Variants in PCDH9 observed in about 807,000 individuals in gnomAD.
PCDH9 encodes protocadherin-9.
Under a neutral mutation model 70.6 loss-of-function variants are expected in PCDH9, and 24 were observed. The ratio of observed to expected loss-of-function variants is 0.34; its 90% confidence interval spans 0.25 to 0.48. The LOEUF is 0.48. PCDH9 is among the 20% of genes least tolerant of loss of function. The pLI is 0.99. For missense variants in PCDH9, 1,281 were observed against 1,503.6 expected (o/e 0.85, Z 2.45); for synonymous variants, 562 against 558.5 (o/e 1.01, Z -0.09).
At chr13:66,586,154 A>G (rs542629096) in intron 4 of PCDH9, among the ~76,000 whole-genome samples, 60 of 152,174 alleles carry the variant, frequency 3.9e-4, no homozygotes, top group Non-Finnish European at 5.3e-4. Context: ...TATTCAATAG[A>G]TTCAGGGAGA....
chr13:66,361,099 T>A (rs1956463920), intron 4 of PCDH9, among the ~76,000 whole-genome samples: 1 of 152,114 alleles, frequency 6.6e-6, no homozygotes, highest in Admixed American at 6.6e-5. Context: ...TTCTATTAAG[T>A]CAGTGGGGCA....
chr13:66,634,223 C>T (rs2077608661), intron 3 of PCDH9, among the ~76,000 whole-genome samples: 1 of 152,112 alleles, frequency 6.6e-6, no homozygotes, highest in Non-Finnish European at 1.5e-5. Context: ...GATTTGTGCA[C>T]AATCTATCAG....
At chr13:66,963,995 T>G (rs1389504465) in intron 2 of PCDH9, among the ~76,000 whole-genome samples, 1 of 152,102 alleles carries the variant, frequency 6.6e-6, no homozygotes, top group African/African-American at 2.4e-5. Flanking sequence ...CTAGCAATAC[T>G]ATGAGTAGTT....
chr13:67,156,458 C>T (rs2087815507), intron 2 of PCDH9, among the ~76,000 whole-genome samples: 1 of 151,814 alleles, frequency 6.6e-6, no homozygotes, highest in Non-Finnish European at 1.5e-5. Context: ...GGACACACGC[C>T]GGCACTGTCC....
chr13:66,910,459 C>T (rs532577283), intron 2 of PCDH9, among the ~76,000 whole-genome samples: 4 of 152,058 alleles, frequency 2.6e-5, no homozygotes, highest in Admixed American at 6.6e-5. Flanking sequence ...CAATTCCCTA[C>T]CTTATGGTAC....
intron 3 of PCDH9, among the ~76,000 whole-genome samples, chr13:66,746,923 T>A (rs758696747): frequency 5.3e-5 from 8 of 152,156 alleles, no homozygotes; most frequent in Non-Finnish European, 8.8e-5. Flanking sequence ...AATACCCCTA[T>A]CCCCCAACTT....
intron 3 of PCDH9, among the ~76,000 whole-genome samples, chr13:66,656,970 C>A (rs1266786758): frequency 2.6e-5 from 4 of 152,070 alleles, no homozygotes; most frequent in African/African-American, 9.7e-5. Flanking sequence ...GCTCTTGCAG[C>A]AGAAGAGCAA....
chr13:66,441,393 T>C (rs980224542), intron 4 of PCDH9, among the ~76,000 whole-genome samples: 1 of 152,144 alleles, frequency 6.6e-6, no homozygotes, highest in Non-Finnish European at 1.5e-5. Context: ...TTCTATGTCT[T>C]GAAGGAGGGA....
intron 3 of PCDH9, among the ~76,000 whole-genome samples, chr13:66,746,675 A>T (rs2079369464): frequency 6.6e-6 from 1 of 152,182 alleles, no homozygotes; most frequent in Non-Finnish European, 1.5e-5. Context: ...CCTAAAAGTT[A>T]ACGTGTCATC....
intron 3 of PCDH9, among the ~76,000 whole-genome samples, chr13:66,769,999 G>A (rs1416275689): frequency 6.6e-6 from 1 of 152,040 alleles, no homozygotes; most frequent in Admixed American, 6.6e-5. Flanking sequence ...TTGTGCTTCT[G>A]CAATACTTTA....
chr13:67,152,059 T>C (rs1384485395), intron 2 of PCDH9, among the ~76,000 whole-genome samples: 1 of 152,206 alleles, frequency 6.6e-6, no homozygotes, highest in East Asian at 1.9e-4. Flanking sequence ...TTCCTCCAAA[T>C]TGTATCTTCT....
chr13:67,035,745 A>G (rs2084996642), intron 2 of PCDH9, among the ~76,000 whole-genome samples: 1 of 152,036 alleles, frequency 6.6e-6, no homozygotes, highest in African/African-American at 2.4e-5. Context: ...AAAAGCTGAA[A>G]AGATAAATAT....
At chr13:66,792,703 C>A (rs760829151) in intron 3 of PCDH9, among the ~76,000 whole-genome samples, 81 of 152,006 alleles carry the variant, frequency 5.3e-4, no homozygotes, top group Non-Finnish European at 9.9e-4. Context: ...GCCAAGAAAA[C>A]CCACCAAATC....
intron 2 of PCDH9, chr13:67,208,777 C>T (rs547271482): frequency 2.6e-5 from 4 of 152,008 alleles, no homozygotes; most frequent in African/African-American, 4.8e-5. Flanking sequence ...ATCTTTGATA[C>T]GAGTAGTTGG....
intron 3 of PCDH9, among the ~76,000 whole-genome samples, chr13:66,750,226 A>C (rs996671082): frequency 6.6e-6 from 1 of 152,234 alleles, no homozygotes; most frequent in East Asian, 1.9e-4. Context: ...ATATTCGCTA[A>C]TAGAAGAAAT....
chr13:66,431,938 T>G (rs1404734874), intron 4 of PCDH9, among the ~76,000 whole-genome samples: 5 of 152,006 alleles, frequency 3.3e-5, no homozygotes, highest in African/African-American at 1.2e-4. Flanking sequence ...ATTCTAACAT[T>G]GTTGGTTTTG....
At chr13:67,141,967 T>C (rs1487850667) in intron 2 of PCDH9, among the ~76,000 whole-genome samples, 3 of 152,086 alleles carry the variant, frequency 2.0e-5, no homozygotes, top group Non-Finnish European at 4.4e-5. Context: ...TTTATAAATA[T>C]GGAATTTGAA....
At chr13:66,690,533 C>T (rs1321464082) in intron 3 of PCDH9, among the ~76,000 whole-genome samples, 1 of 151,844 alleles carries the variant, frequency 6.6e-6, no homozygotes, top group East Asian at 1.9e-4. Flanking sequence ...AGACACACTA[C>T]AAGGTTTAGT....
chr13:67,044,225 C>A (rs756745958), intron 2 of PCDH9, among the ~76,000 whole-genome samples: 1 of 151,958 alleles, frequency 6.6e-6, no homozygotes, highest in Non-Finnish European at 1.5e-5. Flanking sequence ...TTATCCTGAA[C>A]CTTTGTTCAA....
Sources: gnomAD v4.1 joint callset for allele counts (sites outside exome capture counted in the v4.1 genomes callset) on GRCh38, gnomAD v4.1.1 for gene constraint, MANE v1.5 for transcripts, NCBI Gene and HGNC (gene_info 2026-07-23, HGNC 2026-07-21) for gene names.